NF2: variants seen among roughly 807,000 people sequenced by gnomAD.
The protein encoded by NF2 is NF2, moesin-ezrin-radixin like (MERLIN) tumor suppressor, also known as merlin.
In NF2, 8 loss-of-function variants were observed where a neutral mutation model predicts 83.7. That is an observed-to-expected ratio of 0.10 (90% CI 0.06 to 0.17). The LOEUF is 0.17. Among genes scored for constraint, NF2 ranks in the 10% least tolerant of loss-of-function variants. The probability of loss-of-function intolerance (pLI) is 1.00; values close to 1 mark genes in which losing one functional copy is unlikely to be tolerated. For synonymous variants in NF2, 266 were observed against 269.6 expected (o/e 0.99, Z 0.13); for missense variants, 533 against 744.4 (o/e 0.72, Z 3.31).
intron 12 of NF2, among the ~76,000 whole-genome samples, chr22:29,674,590 C>T (rs1288612674): frequency 2.6e-5 from 4 of 152,252 alleles, no homozygotes; most frequent in Non-Finnish European, 2.9e-5. Context: ...TGGTTTCTCT[C>T]ATTCCCCACC....
At chr22:29,660,708 G>A (rs977809657) in intron 7 of NF2, among the ~76,000 whole-genome samples, 1 of 151,918 alleles carries the variant, frequency 6.6e-6, no homozygotes, top group East Asian at 1.9e-4. Context: ...GATTACAGGC[G>A]CGTGCCACCA....
intron 1 of NF2, among the ~76,000 whole-genome samples, chr22:29,611,665 A>G (rs2064956524): frequency 6.6e-6 from 1 of 152,250 alleles, no homozygotes; most frequent in Non-Finnish European, 1.5e-5. Flanking sequence ...AAAATGCAAT[A>G]AAATACATCT....
chr22:29,645,163 A>G (rs1169783396), intron 4 of NF2, among the ~76,000 whole-genome samples: 1 of 152,216 alleles, frequency 6.6e-6, no homozygotes, highest in Admixed American at 6.5e-5. Flanking sequence ...AAGGCTATAC[A>G]TGCTAGTCAG....
intron 15 of NF2, chr22:29,683,386 A>AAGTC: frequency 7.6e-7 from 1 of 1,324,270 alleles, no homozygotes; most frequent in Admixed American, 3.2e-5. Flanking sequence ...GTGTGTCTAA[A>AAGTC]AGTCCTTTGT....
chr22:29,651,528 A>G (rs2066147267), intron 4 of NF2, among the ~76,000 whole-genome samples: 1 of 152,230 alleles, frequency 6.6e-6, no homozygotes, highest in African/African-American at 2.4e-5. Flanking sequence ...TAAAACGATG[A>G]GGAGCAGCCA....
rs1601688849 is a variant in NF2 at position 29,694,755 on chromosome 22, A to C, written c.1741A>C (p.Thr581Pro). 1 of 1,613,688 alleles carries C rather than the reference A, an allele frequency of 6.2e-7. No individual in the cohort carries two copies. The highest frequency in any genetic ancestry group is 8.5e-7 in the Non-Finnish European group (1 of 1,179,862). ...SSKHNTIKKL[T>P]LQSAKSRVAF... Reference sequence around the variant, plus strand: ...CTTCTTCTCTGCTTTCTTACAGCTCACCTTGCAGAGCGCCAAGTCCCGAGT... The same window carrying C: ...CTTCTTCTCTGCTTTCTTACAGCTCCCCTTGCAGAGCGCCAAGTCCCGAGT... Residue 581 changes from threonine (T) to proline (P), a missense_variant, in exon 16 of 16, where the codon ACC becomes CCC. This residue lies in a region of NF2 where 199 missense variants were observed against 240.7 expected (regional missense o/e 0.83). Transcript: ENST00000338641. This position sits in a 1 kb window ranked among gnomAD's most constrained non-coding sequence, Gnocchi z 4.1.
At chr22:29,650,211 G>A (rs2066105874) in intron 4 of NF2, among the ~76,000 whole-genome samples, 1 of 152,062 alleles carries the variant, frequency 6.6e-6, no homozygotes, top group African/African-American at 2.4e-5. Context: ...TAAATTTTAT[G>A]TATATAAATT....
chr22:29,694,890 G>GTTTCCT lies in NF2; in HGVS notation c.*88_*89insTTTCCT. 1 of 1,409,798 alleles carries GTTTCCT rather than the reference G, an allele frequency of 7.1e-7. No homozygotes were observed. Among genetic ancestry groups the GTTTCCT allele is most frequent in the Non-Finnish European group, 9.9e-7 (1 of 1,014,942 alleles). 87.3% of individuals were successfully genotyped at this position (1,409,798 alleles called of 1,614,324 possible). A position where few individuals can be genotyped will look rare whatever the true frequency, so the allele number is the denominator to read the frequency against. Reference sequence around the variant, plus strand: ...AGATATCAAGAGAGCCATCCATAGGGAGCTGGCTGGGGGTTTCCGTGGGAG... The same window carrying GTTTCCT: ...AGATATCAAGAGAGCCATCCATAGGGTTTCCTAGCTGGCTGGGGGTTTCCGTGGGAG... On this transcript the variant is annotated 3_prime_UTR_variant, in exon 16 of 16. Transcript: ENST00000338641. The surrounding 1 kb of genome is among the most constrained non-coding windows in gnomAD (Gnocchi z 4.1).
At chr22:29,678,395 G>A (rs989744628) in intron 14 of NF2, 72 bp downstream of exon 14, 2 of 1,588,042 alleles carry the variant, frequency 1.3e-6, no homozygotes. Flanking sequence ...TGGGAAGCTG[G>A]GGCAGAGGTG....
chr22:29,654,761 C>G (rs770536707), intron 5 of NF2, 36 bp downstream of exon 5: 1 of 1,500,248 alleles, frequency 6.7e-7, no homozygotes, highest in Admixed American at 1.7e-5. Context: ...GAAGACATAG[C>G]AGATATGTGG....
At chr22:29,688,466 G>A (rs1386491181) in intron 15 of NF2, among the ~76,000 whole-genome samples, 1 of 152,234 alleles carries the variant, frequency 6.6e-6, no homozygotes, top group Non-Finnish European at 1.5e-5. Context: ...AATGACATCA[G>A]TCTATCTGGA....
intron 2 of NF2, among the ~76,000 whole-genome samples, chr22:29,638,245 G>A (rs1209152507): frequency 6.6e-6 from 1 of 152,074 alleles, no homozygotes. Context: ...CATCTCTGGA[G>A]GTTCCTTGAA....
At position 29,645,778 on chromosome 22, in the gene NF2, C is replaced by A. The variant is rs569275385; in HGVS notation, c.447+3493C>A. Among the ~76,000 whole-genome samples, 39 of 152,264 alleles carry A rather than the reference C, an allele frequency of 2.6e-4. No individual in the cohort carries two copies. The East Asian group carries it at 7.5e-3, about 29-fold the overall frequency. ...AGAAAAAAATTACTTTTCAGTGAAC[C>A]AGCAGATGTTTGCTTAAACAGGTTT... On this transcript the variant is annotated intron_variant, in intron 4 of 15. Transcript: ENST00000338641.
intron 4 of NF2, among the ~76,000 whole-genome samples, chr22:29,646,899 C>G (rs1009562374): frequency 4.6e-5 from 7 of 151,944 alleles, no homozygotes; most frequent in African/African-American, 1.7e-4. Context: ...CAAAAATTAG[C>G]CAGGCGTGGT....
intron 8 of NF2, among the ~76,000 whole-genome samples, chr22:29,662,439 A>G (rs546137899): frequency 6.6e-6 from 1 of 152,316 alleles, no homozygotes; most frequent in East Asian, 1.9e-4. Flanking sequence ...TTCTTCATTA[A>G]TTTTAAAGGA....
chr22:29,683,316 A>T, intron 15 of NF2: 1 of 1,421,200 alleles, frequency 7.0e-7, no homozygotes, highest in Non-Finnish European at 9.2e-7. Flanking sequence ...AGGACCAGCC[A>T]TTCTTCCCAT....
chr22:29,650,342 G>C (rs896353134), intron 4 of NF2, among the ~76,000 whole-genome samples: 1 of 152,154 alleles, frequency 6.6e-6, no homozygotes, highest in Non-Finnish European at 1.5e-5. Flanking sequence ...GCGAACAGTA[G>C]ATACTATCAG....
intron 6 of NF2, among the ~76,000 whole-genome samples, chr22:29,657,767 G>C (rs1265094393): frequency 6.6e-6 from 1 of 152,182 alleles, no homozygotes; most frequent in East Asian, 1.9e-4. Context: ...AGAGAGAGCT[G>C]TTTCATTTCC....
intron 4 of NF2, among the ~76,000 whole-genome samples, chr22:29,646,177 G>A (rs368700792): frequency 9.2e-5 from 14 of 152,234 alleles, no homozygotes; most frequent in South Asian, 4.1e-4. Flanking sequence ...CTGTTTTGCA[G>A]ATGAGGAATT....
Sources: gnomAD v4.1 joint callset for allele counts (sites outside exome capture counted in the v4.1 genomes callset) on GRCh38, gnomAD v4.1.1 for gene constraint, gnomAD v4.1.1 regional missense constraint, Gnocchi (gnomAD v3.1) non-coding constraint, MANE v1.5 for transcripts, NCBI Gene and HGNC (gene_info 2026-07-23, HGNC 2026-07-21) for gene names.